The following A1CF variants were observed in gnomAD, a reference collection of about 807,000 sequenced individuals.
A1CF encodes APOBEC1 complementation factor, also known as APOBEC-1 stimulating protein.
A1CF carries 48 observed loss-of-function variants against 68.9 expected under a neutral mutation model. The observed-to-expected ratio is 0.70, with a 90% confidence interval of 0.55 to 0.89. The LOEUF (loss-of-function observed/expected upper bound fraction) is 0.89, where lower values mean the gene tolerates loss of function less well. Among genes scored for constraint, A1CF ranks in the 40% least tolerant of loss-of-function variants. The probability of loss-of-function intolerance (pLI) is 0.00; values close to 1 mark genes in which losing one functional copy is unlikely to be tolerated. For missense variants in A1CF, 653 were observed against 718.9 expected, an observed-to-expected ratio of 0.91 and a Z score of 1.05; for synonymous variants, 272 against 260.4, an observed-to-expected ratio of 1.04 and a Z score of -0.43.
intron 3 of A1CF, chr10:50,850,906 AC>A: frequency 1.5e-6 from 2 of 1,362,120 alleles, no homozygotes; most frequent in South Asian, 1.5e-5. Context: ...GGCCCATCTA[AC>A]TTTTTTGTTT....
chr10:50,860,206 C>A (rs1401868008), intron 2 of A1CF, among the ~76,000 whole-genome samples: 1 of 151,776 alleles, frequency 6.6e-6, no homozygotes, highest in Non-Finnish European at 1.5e-5. Flanking sequence ...AAAAAATGAA[C>A]AATACCCATT....
intron 12 of A1CF, among the ~76,000 whole-genome samples, chr10:50,808,609 T>C (rs948244427): frequency 6.6e-6 from 1 of 152,170 alleles, no homozygotes; most frequent in Admixed American, 6.5e-5. Flanking sequence ...AGGAAGGACC[T>C]TGCCCTCTGC....
rs1208874434 is a variant in A1CF at position 50,800,525 on chromosome 10, G to A, written c.*6204C>T. 6.6e-6 allele frequency: 1 copy of A among 152,124 alleles called. No individual in the cohort carries two copies. Among genetic ancestry groups the A allele is most frequent in the African/African-American group, 2.4e-5 (1 of 41,416 alleles). 9.4% of individuals were successfully genotyped at this position (152,124 alleles called of 1,614,324 possible). A position where few individuals can be genotyped will look rare whatever the true frequency, so the allele number is the denominator to read the frequency against. On this transcript the variant is annotated 3_prime_UTR_variant, in exon 13 of 13. Coordinates refer to ENST00000373997, the MANE Select transcript of A1CF (RefSeq NM_014576.4). ...TTGAAAAATGCAGAATGGACCATGG[G>A]ACTGTGTGCCCCAATTAAAGAGAGA... is the stretch of plus-strand genomic sequence containing the variant.
chr10:50,879,794 A>G (rs1475706569), intron 1 of A1CF, among the ~76,000 whole-genome samples: 2 of 152,198 alleles, frequency 1.3e-5, no homozygotes, highest in Non-Finnish European at 2.9e-5. Context: ...ACAAAAAGCT[A>G]AACCATATCC....
At chr10:50,840,610 C>T (rs1006686720) in intron 5 of A1CF, among the ~76,000 whole-genome samples, 9 of 152,262 alleles carry the variant, frequency 5.9e-5, no homozygotes, top group African/African-American at 1.4e-4. Context: ...TTTATCAAAA[C>T]GGGCAATTGG....
rs377086735 is a variant in A1CF at position 50,868,612 on chromosome 10, A to G, written c.-93-4532T>C. 3.5e-4 allele frequency among the ~76,000 whole-genome samples: 53 copies of G among 152,312 alleles called. 2 individuals carry two copies. The South Asian group carries it at 1.0e-2, about 29-fold the overall frequency. ...GGCATTAGCAAAAAATCATATATTA[A>G]TTTGGAACTTGTCAATTTAAGCCAA... On this transcript the variant is annotated intron_variant, in intron 1 of 12. Coordinates refer to ENST00000373997, the MANE Select transcript of A1CF (RefSeq NM_014576.4).
At chr10:50,828,999 G>T (rs1262395252) in intron 6 of A1CF, among the ~76,000 whole-genome samples, 1 of 152,164 alleles carries the variant, frequency 6.6e-6, no homozygotes, top group Admixed American at 6.6e-5. Context: ...TCTGTAAAGG[G>T]TAGTTGTTCT....
In A1CF at chr10:50,852,773, C is replaced by T. The variant is rs1462326498; in HGVS notation, c.99+7069G>A. ...ACAGTGTTTTTCCATCTGCTCCTCT[C>T]GGAGCCAGTCTAGATGAAGCCAATT... is the stretch of plus-strand genomic sequence containing the variant. On this transcript the variant is annotated intron_variant, in intron 3 of 12. Transcript: ENST00000373997. 4.6e-5 allele frequency among the ~76,000 whole-genome samples: 7 copies of T among 152,200 alleles called. No individual in the cohort carries two copies. The South Asian group carries it at 1.0e-3, about 23-fold the overall frequency.
chr10:50,823,825 T>A (rs1838788666), intron 7 of A1CF, among the ~76,000 whole-genome samples: 1 of 152,180 alleles, frequency 6.6e-6, no homozygotes, highest in African/African-American at 2.4e-5. Context: ...TTATTCAAGT[T>A]CATCATGGTT....
At chr10:50,870,635 A>G (rs1023457171) in intron 1 of A1CF, among the ~76,000 whole-genome samples, 2 of 151,908 alleles carry the variant, frequency 1.3e-5, no homozygotes, top group African/African-American at 4.8e-5. Context: ...AAAACATTCA[A>G]TGTTTTCCTC....
intron 1 of A1CF, among the ~76,000 whole-genome samples, chr10:50,872,637 A>AC (rs1263627964): frequency 2.0e-5 from 3 of 152,132 alleles, no homozygotes; most frequent in Admixed American, 2.0e-4. Flanking sequence ...TTCCATAGGG[A>AC]CACATGGTCT....
chr10:50,810,054 G>A lies in A1CF; in HGVS notation c.1461-12C>T, dbSNP rs746370960. ...GTGTGAAAGGGTGGCTGGAAAGCAAGTCAGTCAGGGTAGGCATTTTTAAAC... is the reference window on the plus strand; with the variant it reads ...GTGTGAAAGGGTGGCTGGAAAGCAAATCAGTCAGGGTAGGCATTTTTAAAC... On this transcript the variant is annotated splice_polypyrimidine_tract_variant and intron_variant, in intron 11 of 12. Transcript: ENST00000373997. The A allele has an allele frequency of 1.9e-6, 3 of 1,613,788 alleles. No homozygotes were observed. The highest frequency in any genetic ancestry group is 2.2e-5 in the East Asian group (1 of 44,844).
intron 7 of A1CF, among the ~76,000 whole-genome samples, chr10:50,826,117 A>T (rs867784830): frequency 6.6e-6 from 1 of 152,246 alleles, no homozygotes. Flanking sequence ...GTAAATATTT[A>T]TTGAGCAATC....
Position 50,850,793 on chromosome 10 carries a change from G to C in A1CF, c.100-6671C>G, listed in dbSNP as rs182239433. On this transcript the variant is annotated intron_variant, in intron 3 of 12. Coordinates refer to ENST00000373997, the MANE Select transcript of A1CF (RefSeq NM_014576.4). ...CCCAGACACACTGCTTCCATCTATA[G>C]GAACCTCTAAATTCCTTTCAAGAAG... 307 of 1,612,804 alleles carry C rather than the reference G, an allele frequency of 1.9e-4. 3 individuals are homozygous for C. In the African/African-American group the frequency reaches 3.4e-3, roughly 18 times the overall value.
chr10:50,811,126 C>CTGG lies in A1CF; in HGVS notation c.1371_1373dup (p.Tyr457_Gln458insHis), dbSNP rs1838093012. On this transcript the variant is annotated inframe_insertion, in exon 11 of 13. Transcript: ENST00000373997. ...GGTCTTGTCCAATAGCAGAGTGCAG[C>CTGG]TGGTACACTGGCTGTCCCCAGTTAT... is the stretch of plus-strand genomic sequence containing the variant. 6.2e-7 allele frequency: 1 copy of CTGG among 1,613,380 alleles called. No homozygotes were observed.
At chr10:50,833,156 A>G (rs1439588452) in intron 6 of A1CF, among the ~76,000 whole-genome samples, 1 of 152,218 alleles carries the variant, frequency 6.6e-6, no homozygotes, top group African/African-American at 2.4e-5. Context: ...TTGTTTGAAA[A>G]CATCAGGTAA....
At chr10:50,813,782 C>A in intron 10 of A1CF, 75 bp downstream of exon 10, 3 of 1,499,092 alleles carry the variant, frequency 2.0e-6, no homozygotes, top group Non-Finnish European at 2.8e-6. Flanking sequence ...GGGATCAAGT[C>A]AAATCATTTG....
chr10:50,862,215 A>C (rs1840780024), intron 2 of A1CF, among the ~76,000 whole-genome samples: 1 of 151,830 alleles, frequency 6.6e-6, no homozygotes, highest in Non-Finnish European at 1.5e-5. Context: ...AAAATGCAAA[A>C]ATTAGCCAGG....
At chr10:50,842,926 G>A (rs1839845661) in intron 4 of A1CF, among the ~76,000 whole-genome samples, 1 of 152,128 alleles carries the variant, frequency 6.6e-6, no homozygotes, top group Non-Finnish European at 1.5e-5. Flanking sequence ...TATTCCCCTG[G>A]CTATAGTGAC....
Sources: allele counts gnomAD v4.1 joint callset (sites outside exome capture counted in the v4.1 genomes callset), GRCh38; gene constraint gnomAD v4.1.1; transcripts MANE v1.5; gene names NCBI Gene and HGNC (gene_info 2026-07-23, HGNC 2026-07-21).